The following LARGE1 variants were observed in gnomAD, a reference collection of about 807,000 sequenced individuals.
The protein encoded by LARGE1 is xylosyl- and glucuronyltransferase LARGE1.
Under a neutral mutation model 87.6 loss-of-function variants are expected in LARGE1, and 43 were observed. The ratio of observed to expected loss-of-function variants is 0.49; its 90% CI spans 0.38 to 0.63. LARGE1 has a LOEUF of 0.63. Among genes scored for constraint, LARGE1 ranks in the 30% least tolerant of loss-of-function variants. The probability of loss-of-function intolerance (pLI) is 0.00; values close to 1 mark genes in which losing one functional copy is unlikely to be tolerated. For synonymous variants in LARGE1, 434 were observed against 394.6 expected (o/e 1.10, Z -1.18); for missense variants, 802 against 1,000.2 (o/e 0.80, Z 2.67).
chr22:33,144,870 A>C, the LARGE1 span, among the ~76,000 whole-genome samples: 5 of 152,180 alleles, frequency 3.3e-5, no homozygotes, highest in Admixed American at 6.5e-5. Flanking sequence ...GATTATTTAA[A>C]TATAATTGCT....
chr22:33,458,716 C>G (rs1342427145), intron 6 of LARGE1, among the ~76,000 whole-genome samples: 1 of 152,176 alleles, frequency 6.6e-6, no homozygotes, highest in Non-Finnish European at 1.5e-5. Flanking sequence ...GCGTGAGCCA[C>G]TGTGTCCAGC....
intron 1 of LARGE1, among the ~76,000 whole-genome samples, chr22:33,908,524 T>C (rs546494036): frequency 3.7e-5 from 5 of 136,146 alleles, no homozygotes; most frequent in Non-Finnish European, 6.2e-5. Flanking sequence ...AAGTTACAGA[T>C]TGATGATGCA....
chr22:33,660,514 C>T (rs553068177), intron 2 of LARGE1, among the ~76,000 whole-genome samples: 2 of 152,286 alleles, frequency 1.3e-5, no homozygotes, highest in East Asian at 3.9e-4. Context: ...AGCCTCTGCC[C>T]CCAGTTAGCC....
At chr22:33,606,119 G>C (rs1426182763) in intron 4 of LARGE1, among the ~76,000 whole-genome samples, 1 of 152,148 alleles carries the variant, frequency 6.6e-6, no homozygotes, top group Non-Finnish European at 1.5e-5. Flanking sequence ...AATTAAAACA[G>C]TTTGGACAGG....
At chr22:33,134,135 C>T in the LARGE1 span, among the ~76,000 whole-genome samples, 5 of 152,194 alleles carry the variant, frequency 3.3e-5, no homozygotes, top group South Asian at 2.1e-4. Context: ...TTAACTTCCC[C>T]GTAAACCAGC....
At chr22:33,426,155 G>A (rs1005218873) in intron 7 of LARGE1, among the ~76,000 whole-genome samples, 5 of 152,074 alleles carry the variant, frequency 3.3e-5, no homozygotes, top group Non-Finnish European at 7.4e-5. Context: ...GATCAATTCT[G>A]GATCTCAATC....
chr22:33,616,566 AT>A (rs1191414648), intron 4 of LARGE1, among the ~76,000 whole-genome samples: 2 of 152,060 alleles, frequency 1.3e-5, no homozygotes, highest in Admixed American at 1.3e-4. Context: ...AAAAACTGAA[AT>A]GGCCATCAGC....
chr22:33,266,299 G>A (rs1206497863), intron 11 of LARGE1, among the ~76,000 whole-genome samples: 1 of 138,854 alleles, frequency 7.2e-6, no homozygotes, highest in Non-Finnish European at 1.5e-5. Context: ...TCGGCTCACT[G>A]CAACCTCCAC....
intron 5 of LARGE1, among the ~76,000 whole-genome samples, chr22:33,601,729 A>C (rs9609844): frequency 0.17 from 26,078 of 152,110 alleles, 2,531 homozygotes; most frequent in African/African-American, 0.27. Context: ...AGTCTTCGAT[A>C]GTAGACATCG....
chr22:33,816,674 GGATAGATA>G (rs1556115447), intron 1 of LARGE1, among the ~76,000 whole-genome samples: 1 of 141,328 alleles, frequency 7.1e-6, no homozygotes, highest in Non-Finnish European at 1.5e-5. Context: ...ACGGATGGAT[GGATAGATA>G]GATAGATAGA....
intron 1 of LARGE1, among the ~76,000 whole-genome samples, chr22:33,860,072 A>T (rs1319955312): frequency 6.6e-6 from 1 of 152,126 alleles, no homozygotes; most frequent in East Asian, 1.9e-4. Context: ...ACTTAACACT[A>T]CTGAACTGTC....
Position 33,857,129 on chromosome 22 carries a change from C to T in LARGE1, c.-83+62866G>A, listed in dbSNP as rs181541848. Among the ~76,000 whole-genome samples, 207 of 152,294 alleles carry T rather than the reference C, an allele frequency of 1.4e-3. 1 individual carries two copies. The highest frequency in any genetic ancestry group is 4.6e-3 in the African/African-American group (192 of 41,560). ...ATGAGGTTTTGCCATGTTGGCCAGA[C>T]TGGTCTCGAACTCCTGGCCTTGAGG... is the stretch of plus-strand genomic sequence containing the variant. On this transcript the variant is annotated intron_variant, in intron 1 of 14. Coordinates refer to ENST00000397394, the MANE Select transcript of LARGE1 (RefSeq NM_133642.5).
chr22:33,665,616 C>A (rs776445437), intron 2 of LARGE1, among the ~76,000 whole-genome samples: 2 of 152,126 alleles, frequency 1.3e-5, no homozygotes, highest in Non-Finnish European at 2.9e-5. Context: ...AACAGGGCTG[C>A]GCGCGGTGGC....
In LARGE1 at chr22:33,432,044, A is replaced by G. The variant is rs1347999665; in HGVS notation, c.892+117T>C. 51 of 795,628 alleles carry G rather than the reference A, an allele frequency of 6.4e-5. 1 individual carries two copies. The Admixed American group carries it at 9.9e-4, about 15-fold the overall frequency. 49.3% of individuals were successfully genotyped at this position (795,628 alleles called of 1,614,324 possible). On this transcript the variant is annotated intron_variant, in intron 7 of 14. Coordinates refer to ENST00000397394, the MANE Select transcript of LARGE1 (RefSeq NM_133642.5). ...ACTGCCCACAAACCATCCACCACTGAATTCAAGCAATCAGGTGGCCTCCTC... is the reference window on the plus strand; with the variant it reads ...ACTGCCCACAAACCATCCACCACTGGATTCAAGCAATCAGGTGGCCTCCTC...
chr22:33,505,717 A>C (rs1034389328), intron 6 of LARGE1, among the ~76,000 whole-genome samples: 5 of 152,160 alleles, frequency 3.3e-5, no homozygotes, highest in Non-Finnish European at 7.3e-5. Flanking sequence ...AGGCTACCTG[A>C]TGACTTGGGT....
intron 7 of LARGE1, among the ~76,000 whole-genome samples, chr22:33,429,592 C>T (rs571113104): frequency 4.6e-5 from 7 of 152,220 alleles, no homozygotes; most frequent in African/African-American, 1.7e-4. Context: ...TTTTGTTTTA[C>T]GCAGGAAACC....
At chr22:33,874,379 G>T (rs971291795) in intron 1 of LARGE1, among the ~76,000 whole-genome samples, 65 of 152,274 alleles carry the variant, frequency 4.3e-4, no homozygotes, top group African/African-American at 1.4e-3. Context: ...GAGCACATCA[G>T]CCGCCGCTTT....
At position 33,383,921 on chromosome 22, in the gene LARGE1, G is replaced by A. The variant is rs142499561; in HGVS notation, c.1005+271C>T. ...TATGAGGGCAAGTGCTGCATCCTTCGTCTATCTCTGTCATCCTTTTTCTGA... is the reference window on the plus strand; with the variant it reads ...TATGAGGGCAAGTGCTGCATCCTTCATCTATCTCTGTCATCCTTTTTCTGA... On this transcript the variant is annotated intron_variant, in intron 8 of 14. Coordinates refer to ENST00000397394, the MANE Select transcript of LARGE1 (RefSeq NM_133642.5). Among the ~76,000 whole-genome samples, 371 of 152,272 alleles carry A rather than the reference G, an allele frequency of 2.4e-3. 2 individuals carry two copies. The highest frequency in any genetic ancestry group is 8.2e-3 in the African/African-American group (342 of 41,562).
the LARGE1 span, among the ~76,000 whole-genome samples, chr22:33,151,474 T>C: frequency 6.6e-6 from 1 of 152,222 alleles, no homozygotes; most frequent in South Asian, 2.1e-4. Flanking sequence ...TGGTTTCTAG[T>C]GCTATGTCAA....
Sources: gnomAD v4.1 joint callset for allele counts (sites outside exome capture counted in the v4.1 genomes callset) on GRCh38, gnomAD v4.1.1 for gene constraint, MANE v1.5 for transcripts, NCBI Gene and HGNC (gene_info 2026-07-23, HGNC 2026-07-21) for gene names.